AMPH: variants seen among roughly 807,000 people sequenced by gnomAD.
AMPH encodes the protein amphiphysin (Stiff-Mann syndrome with breast cancer 128kD autoantigen).
AMPH carries 49 observed loss-of-function variants against 99.1 expected under a neutral mutation model. The observed-to-expected ratio is 0.49, with a 90% CI of 0.39 to 0.63. The LOEUF (loss-of-function observed/expected upper bound fraction) is 0.63. AMPH is among the 20% of genes least tolerant of loss of function. The probability of loss-of-function intolerance (pLI) is 0.00; values close to 1 mark genes in which losing one functional copy is unlikely to be tolerated. For synonymous variants in AMPH, 314 were observed against 317.3 expected (o/e 0.99, Z 0.11); for missense variants, 759 against 863.4 (o/e 0.88, Z 1.52).
chr7:38,572,133 G>A lies in AMPH; in HGVS notation c.70-37122C>T, dbSNP rs536783637. ...TTGGTCAGGCTGGTGTCAAACTCCC[G>A]ACCTCAGGTGATCCGCCCACTTCAG... On this transcript the variant is annotated intron_variant, in intron 1 of 20. Coordinates refer to ENST00000356264, the MANE Select transcript of AMPH (RefSeq NM_001635.4). Among the ~76,000 whole-genome samples, 51 of 152,176 alleles carry A rather than the reference G, an allele frequency of 3.4e-4. No homozygotes were observed. In the East Asian group the frequency reaches 5.4e-3, roughly 16 times the overall value.
rs543568093 is a variant in AMPH, at chr7:38,436,539, CA to C, written c.1018-152del. On this transcript the variant is annotated intron_variant, in intron 11 of 20. Transcript: ENST00000356264. ...GCATGGTGGCTCACCCATATGCACCCAGTCACTCAGCTAAATGCAGTGAGAA... is the reference window on the plus strand; with the variant it reads ...GCATGGTGGCTCACCCATATGCACCCGTCACTCAGCTAAATGCAGTGAGAA... The C allele has an allele frequency of 3.6e-4, 227 of 629,308 alleles. 2 individuals are homozygous for C. In the African/African-American group the frequency reaches 3.9e-3, roughly 11 times the overall value. The allele number at this position is 629,308 out of a possible 1,614,324, so 39.0% of individuals were successfully genotyped here.
intron 18 of AMPH, among the ~76,000 whole-genome samples, chr7:38,393,582 G>A (rs1394309679): frequency 6.6e-6 from 1 of 152,138 alleles, no homozygotes; most frequent in Non-Finnish European, 1.5e-5. Flanking sequence ...TGAATTTGGG[G>A]CACTCTAATG....
At chr7:38,609,494 G>A (rs1388646974) in intron 1 of AMPH, among the ~76,000 whole-genome samples, 1 of 152,108 alleles carries the variant, frequency 6.6e-6, no homozygotes, top group Non-Finnish European at 1.5e-5. Context: ...AGAGCCTGAG[G>A]ACATCCCAGG....
intron 3 of AMPH, among the ~76,000 whole-genome samples, chr7:38,499,976 T>G (rs1470918134): frequency 1.3e-5 from 2 of 152,214 alleles, no homozygotes; most frequent in African/African-American, 2.4e-5. Flanking sequence ...GTGAGGCCTC[T>G]GCAGCCATGT....
At chr7:38,520,932 C>G (rs1215420764) in intron 2 of AMPH, among the ~76,000 whole-genome samples, 1 of 152,200 alleles carries the variant, frequency 6.6e-6, no homozygotes, top group African/African-American at 2.4e-5. Flanking sequence ...TTCAAATCAG[C>G]CTCCTTAACG....
At chr7:38,552,526 A>G (rs968245384) in intron 1 of AMPH, among the ~76,000 whole-genome samples, 1 of 152,226 alleles carries the variant, frequency 6.6e-6, no homozygotes, top group Non-Finnish European at 1.5e-5. Context: ...ATCACCTGGA[A>G]TAAGTCACCA....
chr7:38,592,756 C>T (rs1792904620), intron 1 of AMPH, among the ~76,000 whole-genome samples: 2 of 151,436 alleles, frequency 1.3e-5, no homozygotes, highest in African/African-American at 4.9e-5. Flanking sequence ...AAATCAGTTT[C>T]TCCCACTGTG....
chr7:38,460,995 T>C (rs551980060), intron 11 of AMPH, among the ~76,000 whole-genome samples: 3 of 152,190 alleles, frequency 2.0e-5, no homozygotes, highest in Non-Finnish European at 4.4e-5. Context: ...TTGGTATCAA[T>C]AAAACAATTT....
At chr7:38,490,290 T>C (rs2129019587) in intron 5 of AMPH, among the ~76,000 whole-genome samples, 1 of 152,320 alleles carries the variant, frequency 6.6e-6, no homozygotes, top group Middle Eastern at 3.4e-3. Flanking sequence ...ATCGAAAATC[T>C]ACTGTTTGGA....
chr7:38,490,956 G>A (rs747637917), intron 5 of AMPH, 94 bp downstream of exon 5: 4 of 771,122 alleles, frequency 5.2e-6, no homozygotes, highest in Non-Finnish European at 6.4e-6. Context: ...TTTGATGTCA[G>A]TTTGAGGACT....
intron 1 of AMPH, among the ~76,000 whole-genome samples, chr7:38,602,222 C>T (rs1293227186): frequency 2.0e-5 from 3 of 152,174 alleles, no homozygotes; most frequent in African/African-American, 7.2e-5. Flanking sequence ...ACCCTGACCA[C>T]CTGGCAGCCC....
intron 2 of AMPH, among the ~76,000 whole-genome samples, chr7:38,505,311 G>A (rs1161633574): frequency 2.0e-5 from 3 of 152,192 alleles, no homozygotes; most frequent in African/African-American, 7.2e-5. Context: ...TGAAATCTAT[G>A]TAACACTCAG....
chr7:38,541,154 G>A (rs1252507941), intron 1 of AMPH, among the ~76,000 whole-genome samples: 1 of 151,430 alleles, frequency 6.6e-6, no homozygotes, highest in Non-Finnish European at 1.5e-5. Flanking sequence ...TCTTCTACTT[G>A]TGCCCATGTC....
chr7:38,431,473 C>T (rs543171460), intron 13 of AMPH, among the ~76,000 whole-genome samples: 4 of 152,080 alleles, frequency 2.6e-5, no homozygotes, highest in South Asian at 4.2e-4. Context: ...CTGGCTAACA[C>T]GGTGAAACCC....
intron 11 of AMPH, among the ~76,000 whole-genome samples, chr7:38,451,146 G>A (rs936382739): frequency 8.6e-5 from 13 of 151,388 alleles, no homozygotes; most frequent in African/African-American, 2.9e-4. Context: ...TCCTGCTTTG[G>A]CCTCCCAAAG....
intron 1 of AMPH, among the ~76,000 whole-genome samples, chr7:38,546,259 A>G (rs1187211827): frequency 6.6e-6 from 1 of 152,256 alleles, no homozygotes; most frequent in African/African-American, 2.4e-5. Flanking sequence ...TCTCACCAGC[A>G]GAACAGGCAA....
At position 38,568,019 on chromosome 7, in the gene AMPH, T is replaced by A. The variant is rs929681496; in HGVS notation, c.70-33008A>T. Among the ~76,000 whole-genome samples, 14 of 152,316 alleles carry A rather than the reference T, an allele frequency of 9.2e-5. No homozygotes were observed. The East Asian group carries it at 2.7e-3, about 29-fold the overall frequency. ...ATCTAGATTTCATTGGCAATACCCC[T>A]AAAATCCTACAGATTTAATAAATGT... On this transcript the variant is annotated intron_variant, in intron 1 of 20. Transcript: ENST00000356264.
intron 11 of AMPH, among the ~76,000 whole-genome samples, chr7:38,443,967 A>G (rs1786655185): frequency 6.6e-6 from 1 of 152,304 alleles, no homozygotes; most frequent in Non-Finnish European, 1.5e-5. Context: ...AAAGCTATAG[A>G]AACTAATAAT....
At chr7:38,429,646 T>G (rs1467518343) in intron 14 of AMPH, 196 bp downstream of exon 14, 1 of 1,401,498 alleles carries the variant, frequency 7.1e-7, no homozygotes, top group Non-Finnish European at 9.5e-7. Context: ...ATGGTAAGAT[T>G]TGATGAGAAA....
Sources: gnomAD v4.1 joint callset for allele counts (sites outside exome capture counted in the v4.1 genomes callset) on GRCh38, gnomAD v4.1.1 for gene constraint, MANE v1.5 for transcripts, NCBI Gene and HGNC (gene_info 2026-07-23, HGNC 2026-07-21) for gene names.